Variants in IFNLR1 observed in about 807,000 individuals in gnomAD.
IFNLR1 encodes interferon lambda receptor 1, also known as CRF2-12.
In IFNLR1, 28 loss-of-function variants were observed where a neutral mutation model predicts 52.5. That is an observed-to-expected ratio of 0.53 (90% confidence interval 0.40 to 0.73). The LOEUF (loss-of-function observed/expected upper bound fraction) is 0.73. Among genes scored for constraint, IFNLR1 ranks in the 30% least tolerant of loss-of-function variants. The probability of loss-of-function intolerance (pLI) is 0.00; values close to 1 mark genes in which losing one functional copy is unlikely to be tolerated. For synonymous variants in IFNLR1, 276 were observed against 274.9 expected, an observed-to-expected ratio of 1.00 and a Z score of -0.04; for missense variants, 623 against 659.1, an observed-to-expected ratio of 0.95 and a Z score of 0.60.
chr1:24,172,276 A>G (rs1644589093), intron 2 of IFNLR1, among the ~76,000 whole-genome samples: 3 of 152,212 alleles, frequency 2.0e-5, no homozygotes, highest in African/African-American at 2.4e-5. Flanking sequence ...ATAAGAAAGA[A>G]TAGAAATTAA....
chr1:24,178,203 T>C (rs890507058), intron 2 of IFNLR1, among the ~76,000 whole-genome samples: 3 of 151,922 alleles, frequency 2.0e-5, no homozygotes, highest in African/African-American at 7.3e-5. Flanking sequence ...GATAATCTCT[T>C]GAACCCAGGA....
At position 24,157,435 on chromosome 1, in the gene IFNLR1, C is replaced by A. The variant is rs758629071; in HGVS notation, c.1258G>T (p.Gly420Trp). 2 of 1,614,036 alleles carry A rather than the reference C, an allele frequency of 1.2e-6. No individual in the cohort carries two copies. The highest frequency in any genetic ancestry group is 1.7e-6 in the Non-Finnish European group (2 of 1,180,024). Reference protein sequence around the residue: ...KGPGQGPGGDGHQESLPPPEF... With the variant: ...KGPGQGPGGDWHQESLPPPEF... ...GGTGGTGGGAGAGATTCTTGGTGCC[C>A]ATCCCCACCCGGCCCTTGGCCTGGC... The change falls in exon 7 of 7, where the codon GGG (glycine) becomes TGG (tryptophan). Residue 420 changes from glycine (G) to tryptophan (W), a missense_variant. Transcript: ENST00000327535. The surrounding 1 kb of genome is among the most constrained non-coding windows in gnomAD (Gnocchi z 5.1).
Position 24,162,702 on chromosome 1 carries a change from TTTTCTTTTCTTTCTTTC to T in IFNLR1, c.368-1035_368-1019del, listed in dbSNP as rs1342357648. ...CAAGAGAGGGCAGAACTCACTTTTC[TTTTCTTTTCTTTCTTTC>T]TTTCTTTTCTTTCTTTCTTTCTTTC... On this transcript the variant is annotated intron_variant, in intron 3 of 6. Transcript: ENST00000327535. 9.9e-3 allele frequency among the ~76,000 whole-genome samples: 332 copies of T among 33,546 alleles called. 40 individuals carry two copies. The highest frequency in any genetic ancestry group is 0.02 in the East Asian group (20 of 978). 22.0% of individuals were successfully genotyped at this position (33,546 alleles called of 152,430 possible). A position where few individuals can be genotyped will look rare whatever the true frequency, so the allele number is the denominator to read the frequency against.
intron 2 of IFNLR1, among the ~76,000 whole-genome samples, chr1:24,177,049 G>C (rs1372318560): frequency 6.6e-6 from 1 of 152,084 alleles, no homozygotes; most frequent in Non-Finnish European, 1.5e-5. Context: ...AAATGCCTTG[G>C]AACCATGTAT....
chr1:24,169,917 T>C (rs1644561834), intron 2 of IFNLR1, among the ~76,000 whole-genome samples: 1 of 152,194 alleles, frequency 6.6e-6, no homozygotes, highest in Non-Finnish European at 1.5e-5. Context: ...TGGCTGCTAT[T>C]CCTAGTACTA....
chr1:24,181,422 G>A (rs1244654889), intron 1 of IFNLR1, among the ~76,000 whole-genome samples: 1 of 152,168 alleles, frequency 6.6e-6, no homozygotes, highest in Non-Finnish European at 1.5e-5. Flanking sequence ...CGGCAAACTG[G>A]GCTCCCCACT....
At chr1:24,165,318 G>A (rs1644507535) in intron 3 of IFNLR1, among the ~76,000 whole-genome samples, 1 of 152,216 alleles carries the variant, frequency 6.6e-6, no homozygotes, top group Admixed American at 6.5e-5. Context: ...CTTTCTGCCA[G>A]TACAGAACAA....
intron 4 of IFNLR1, among the ~76,000 whole-genome samples, chr1:24,160,033 T>A (rs1644426313): frequency 6.6e-6 from 1 of 152,190 alleles, no homozygotes; most frequent in African/African-American, 2.4e-5. Context: ...TGCATTAAAG[T>A]TTAAGCATTG....
intron 3 of IFNLR1, among the ~76,000 whole-genome samples, chr1:24,164,396 C>T (rs1011571774): frequency 2.6e-5 from 4 of 152,226 alleles, no homozygotes; most frequent in African/African-American, 9.6e-5. Flanking sequence ...ATTTCATACT[C>T]TCTGTGTTCC....
chr1:24,168,440 T>C (rs533220828), intron 3 of IFNLR1, among the ~76,000 whole-genome samples: 3 of 149,984 alleles, frequency 2.0e-5, no homozygotes, highest in South Asian at 4.3e-4. Flanking sequence ...CTGCCCGAGG[T>C]CAGAAAGATC....
At chr1:24,187,114 G>T in intron 1 of IFNLR1, 77 bp downstream of exon 1, 1 of 992,306 alleles carries the variant, frequency 1.0e-6, no homozygotes, top group Non-Finnish European at 1.4e-6. Context: ...TGTCCCAGGA[G>T]CTCCGGGTCC....
In IFNLR1 at chr1:24,169,538, A is replaced by G. The variant is rs1644556673; in HGVS notation, c.246T>C (p.Cys82=). The change falls in exon 3 of 7, where the codon TGT becomes TGC. Residue 82 remains cysteine (C), a synonymous_variant. Coordinates refer to ENST00000327535, the MANE Select transcript of IFNLR1 (RefSeq NM_170743.4). ...EECAGTKELL[C]SMMCLKKQDL... ...CCTGTTTCTTCAGGCACATCATAGA[A>G]CATAGCAGCTCCTTGGTTCCCGCAC... The G allele has an allele frequency of 6.2e-7, 1 of 1,614,162 alleles. No individual in the cohort carries two copies.
rs1054062113 is a variant in IFNLR1, at chr1:24,155,337, C to T, written c.*1793G>A. 4 of 152,250 alleles carry T rather than the reference C, an allele frequency of 2.6e-5. No individual in the cohort carries two copies. The highest frequency in any genetic ancestry group is 1.3e-4 in the Admixed American group (2 of 15,278). 9.4% of individuals were successfully genotyped at this position (152,250 alleles called of 1,614,324 possible). A position where few individuals can be genotyped will look rare whatever the true frequency, so the allele number is the denominator to read the frequency against. On this transcript the variant is annotated 3_prime_UTR_variant, in exon 7 of 7. Coordinates refer to ENST00000327535, the MANE Select transcript of IFNLR1 (RefSeq NM_170743.4). ...GAGGTTGGCCCGGCTGTGCAGAGAT[C>T]GAAGCTCTTACCCTTGGGGATGTGC... is the stretch of plus-strand genomic sequence containing the variant.
chr1:24,165,539 C>G (rs895836011), intron 3 of IFNLR1, among the ~76,000 whole-genome samples: 2 of 152,236 alleles, frequency 1.3e-5, no homozygotes, highest in Admixed American at 6.5e-5. Flanking sequence ...GGCCTTCTAG[C>G]CTTGCCCAGT....
At position 24,187,195 on chromosome 1, in the gene IFNLR1, A is replaced by G; in HGVS notation, c.54T>C (p.Ala18=). ...CCCGCGGCCCCGCGCCCTTACCTGG[A>G]GCGGCCTGCAGCAGGCACAGGAGCA... ...GPLLLCLLQA[A]PGRPRLAPPQ... Residue 18 remains alanine (A), a synonymous_variant, in exon 1 of 7, where the codon GCT becomes GCC. Coordinates refer to ENST00000327535, the MANE Select transcript of IFNLR1 (RefSeq NM_170743.4). The G allele has an allele frequency of 7.5e-7, 1 of 1,341,808 alleles. No homozygotes were observed. Among genetic ancestry groups the G allele is most frequent in the Non-Finnish European group, 9.6e-7 (1 of 1,046,282 alleles). 83.1% of individuals were successfully genotyped at this position (1,341,808 alleles called of 1,614,324 possible).
rs1377579756 is a variant in IFNLR1, at chr1:24,156,218, AGAAG to A, written c.*908_*911del. 1.3e-5 allele frequency: 2 copies of A among 152,220 alleles called. No individual in the cohort carries two copies. The highest frequency in any genetic ancestry group is 4.8e-5 in the African/African-American group (2 of 41,424). The allele number at this position is 152,220 out of a possible 1,614,324, so 9.4% of individuals were successfully genotyped here. A position where few individuals can be genotyped will look rare whatever the true frequency, so the allele number is the denominator to read the frequency against. ...CTCCTGACTGGGAGGCAGTGAGGGT[AGAAG>A]GAAGGAGGTAGACTGGGGATGAGAC... On this transcript the variant is annotated 3_prime_UTR_variant, in exon 7 of 7. Transcript: ENST00000327535.
rs1644359221 is a variant in IFNLR1 at position 24,154,485 on chromosome 1, T to C, written c.*2645A>G. 2 of 152,260 alleles carry C rather than the reference T, an allele frequency of 1.3e-5. No individual in the cohort carries two copies. Among genetic ancestry groups the C allele is most frequent in the Admixed American group, 6.5e-5 (1 of 15,288 alleles). The allele number at this position is 152,260 out of a possible 1,614,324, so 9.4% of individuals were successfully genotyped here. A position where few individuals can be genotyped will look rare whatever the true frequency, so the allele number is the denominator to read the frequency against. On this transcript the variant is annotated 3_prime_UTR_variant, in exon 7 of 7. Transcript: ENST00000327535. Reference sequence around the variant, plus strand: ...AATTATTATACTGATTATCATGCCCTTTCCAAATGCTTCTCCTGGCTTTTT... The same window carrying C: ...AATTATTATACTGATTATCATGCCCCTTCCAAATGCTTCTCCTGGCTTTTT...
chr1:24,176,692 A>C (rs1360638453), intron 2 of IFNLR1, among the ~76,000 whole-genome samples: 5 of 152,212 alleles, frequency 3.3e-5, no homozygotes, highest in African/African-American at 1.2e-4. Context: ...TTAAAAACTC[A>C]AGAGTGAAAC....
At chr1:24,187,167 C>A in intron 1 of IFNLR1, 24 bp downstream of exon 1, 1 of 1,356,212 alleles carries the variant, frequency 7.4e-7, no homozygotes, top group South Asian at 1.6e-5. Flanking sequence ...CTTCCCCCTC[C>A]CTCCCGCGGC....
Sources: gnomAD v4.1 joint callset for allele counts (sites outside exome capture counted in the v4.1 genomes callset) on GRCh38, gnomAD v4.1.1 for gene constraint, Gnocchi (gnomAD v3.1) non-coding constraint, MANE v1.5 for transcripts, NCBI Gene and HGNC (gene_info 2026-07-23, HGNC 2026-07-21) for gene names.